The following NCOA1 variants were observed in gnomAD, a reference collection of about 807,000 sequenced individuals.
The protein encoded by NCOA1 is nuclear receptor coactivator 1, also known as Hin-2 protein.
Under a neutral mutation model 150.9 loss-of-function variants are expected in NCOA1, and 35 were observed. The observed-to-expected ratio is 0.23, with a 90% CI of 0.18 to 0.31. NCOA1 has a LOEUF of 0.31. Ranked by LOEUF, NCOA1 falls within the 10% of genes least tolerant of loss-of-function variation. The pLI is 1.00. For missense variants in NCOA1, 1,491 were observed against 1,749.3 expected (o/e 0.85, Z 2.63); for synonymous variants, 590 against 630.0 (o/e 0.94, Z 0.95).
At chr2:24,711,348 G>C (rs1673738097) in intron 14 of NCOA1, 1 of 339,870 alleles carries the variant, frequency 2.9e-6, no homozygotes, top group Non-Finnish European at 5.2e-6. Context: ...TTGATGTTAA[G>C]GAGAACAATT....
chr2:24,572,134 A>C (rs1666767351), intron 2 of NCOA1, among the ~76,000 whole-genome samples: 1 of 152,128 alleles, frequency 6.6e-6, no homozygotes, highest in Non-Finnish European at 1.5e-5. Flanking sequence ...CCACTTCATA[A>C]TTTTGTTCAA....
At chr2:24,717,420 C>T (rs1222517880) in intron 14 of NCOA1, among the ~76,000 whole-genome samples, 3 of 152,098 alleles carry the variant, frequency 2.0e-5, no homozygotes, top group African/African-American at 7.2e-5. Flanking sequence ...TAATTCCAGC[C>T]GTATTCTGGA....
chr2:24,733,141 A>G (rs1333947670), intron 17 of NCOA1, among the ~76,000 whole-genome samples: 1 of 152,220 alleles, frequency 6.6e-6, no homozygotes, highest in Admixed American at 6.5e-5. Context: ...CGGGTTGGCA[A>G]TAACAGTGCC....
chr2:24,639,912 GTGTGTATATATATATATATATATA>G lies in NCOA1; in HGVS notation c.-174-4052_-174-4029del, dbSNP rs1428621135. On this transcript the variant is annotated intron_variant, in intron 3 of 22. Coordinates refer to ENST00000348332, the MANE Select transcript of NCOA1 (RefSeq NM_003743.5). Reference sequence around the variant, plus strand: ...CAAAAAAAAAAAAAAAAGTATGTGTGTGTGTATATATATATATATATATATATATATATATATATATATATATAT... The same window carrying G: ...CAAAAAAAAAAAAAAAAGTATGTGTGTATATATATATATATATATATATAT... 6.2e-3 allele frequency among the ~76,000 whole-genome samples: 592 copies of G among 95,960 alleles called. 46 individuals carry two copies. The highest frequency in any genetic ancestry group is 0.025 in the African/African-American group (501 of 19,958). The allele number at this position is 95,960 out of a possible 152,430, so 63.0% of individuals were successfully genotyped here.
At chr2:24,751,306 G>A (rs918714712) in intron 19 of NCOA1, among the ~76,000 whole-genome samples, 2 of 151,052 alleles carry the variant, frequency 1.3e-5, no homozygotes, top group Admixed American at 1.3e-4. Flanking sequence ...TTTACAGCCG[G>A]GCGCGGTGGC....
At chr2:24,559,552 G>A (rs538259666) in intron 1 of NCOA1, among the ~76,000 whole-genome samples, 1 of 152,226 alleles carries the variant, frequency 6.6e-6, no homozygotes, top group African/African-American at 2.4e-5. Context: ...CTTTTGTTCT[G>A]GTTCAGACTC....
chr2:24,707,145 C>T lies in NCOA1; in HGVS notation c.1675C>T (p.Pro559Ser). Residue 559 changes from proline (P) to serine (S), a missense_variant, in exon 13 of 23, where the codon CCA becomes TCA. Physicochemically the swap from Pro to Ser is moderately conservative, Grantham distance 74. Transcript: ENST00000348332. ...NNSVGFSASS[P>S]VLRQMSSQNS... ...CTCCGTTGGCTTCTCTGCCAGTTCT[C>T]CAGTCCTCAGGCAGATGAGCTCACA... The T allele has an allele frequency of 6.2e-7, 1 of 1,614,202 alleles. No homozygotes were observed. The highest frequency in any genetic ancestry group is 8.5e-7 in the Non-Finnish European group (1 of 1,180,042).
intron 1 of NCOA1, among the ~76,000 whole-genome samples, chr2:24,558,783 G>T (rs1666181362): frequency 6.6e-6 from 1 of 152,198 alleles, no homozygotes; most frequent in Admixed American, 6.5e-5. Context: ...TATAGTCAGA[G>T]AGTAATGAAG....
intron 14 of NCOA1, chr2:24,711,419 T>A: frequency 5.0e-6 from 1 of 198,842 alleles, no homozygotes; most frequent in Non-Finnish European, 1.0e-5. Context: ...TTGGGTCAGA[T>A]TGTTTCCAGA....
intron 21 of NCOA1, among the ~76,000 whole-genome samples, chr2:24,758,679 T>A (rs1438010254): frequency 6.6e-6 from 1 of 152,060 alleles, no homozygotes; most frequent in African/African-American, 2.4e-5. Flanking sequence ...TTTTAGTGTT[T>A]TAGATTTATA....
At chr2:24,558,443 G>C (rs549611857) in intron 1 of NCOA1, among the ~76,000 whole-genome samples, 1 of 152,266 alleles carries the variant, frequency 6.6e-6, no homozygotes, top group South Asian at 2.1e-4. Context: ...TTCTGAAATG[G>C]TGGTGGCAAG....
At chr2:24,684,590 C>T (rs1672320321) in intron 8 of NCOA1, among the ~76,000 whole-genome samples, 1 of 152,222 alleles carries the variant, frequency 6.6e-6, no homozygotes, top group African/African-American at 2.4e-5. Flanking sequence ...CCTGACAATT[C>T]ATTGTTGCCT....
At chr2:24,605,366 A>G (rs556545815) in intron 3 of NCOA1, among the ~76,000 whole-genome samples, 1 of 152,320 alleles carries the variant, frequency 6.6e-6, no homozygotes, top group African/African-American at 2.4e-5. Context: ...TGTATATTGT[A>G]TGTATTCTAC....
chr2:24,760,053 T>C (rs1233600926), intron 21 of NCOA1, among the ~76,000 whole-genome samples: 1 of 151,676 alleles, frequency 6.6e-6, no homozygotes, highest in Non-Finnish European at 1.5e-5. Flanking sequence ...GTCACCACTT[T>C]AAATTTTCTG....
intron 17 of NCOA1, among the ~76,000 whole-genome samples, chr2:24,735,726 T>C (rs6727239): frequency 0.074 from 11,295 of 152,108 alleles, 509 homozygotes; most frequent in African/African-American, 0.12. Context: ...TTGGTTGAGA[T>C]TTTTAAAAAG....
chr2:24,494,665 A>G (rs554931060), intron 1 of NCOA1, among the ~76,000 whole-genome samples: 70 of 152,292 alleles, frequency 4.6e-4, no homozygotes, highest in African/African-American at 1.6e-3. Flanking sequence ...GGAGGGTTCC[A>G]TTTTGCATTA....
intron 11 of NCOA1, among the ~76,000 whole-genome samples, chr2:24,701,749 G>T (rs564545017): frequency 6.6e-6 from 1 of 152,266 alleles, no homozygotes; most frequent in South Asian, 2.1e-4. Flanking sequence ...GGTGGCTCAC[G>T]CCAGTAATCC....
intron 3 of NCOA1, among the ~76,000 whole-genome samples, chr2:24,624,742 A>G (rs1232015237): frequency 6.6e-6 from 1 of 152,254 alleles, no homozygotes; most frequent in African/African-American, 2.4e-5. Flanking sequence ...ACGTATCAAT[A>G]TAGAATATTT....
rs1673726242 is a variant in NCOA1 at position 24,711,096 on chromosome 2, A to C, written c.2584A>C (p.Thr862Pro). The change falls in exon 14 of 23, where the codon ACT becomes CCT. Residue 862 changes from threonine to proline, a missense_variant. By Grantham distance (38) the Thr-to-Pro change is conservative (BLOSUM62 -1). Transcript: ENST00000348332. Reference protein sequence around the residue: ...ASLQSATARPTSRLNRLPELE... With the variant: ...ASLQSATARPPSRLNRLPELE... ...ACTTCAGTCCGCCACTGCCAGACCC[A>C]CTTCCAGGCTAAATAGTATGTTCTG... is the stretch of plus-strand genomic sequence containing the variant. 1.9e-6 allele frequency: 3 copies of C among 1,613,442 alleles called. No individual in the cohort carries two copies. The African/African-American group carries it at 4.0e-5, about 22-fold the overall frequency.
Sources: gnomAD v4.1 joint callset for allele counts (sites outside exome capture counted in the v4.1 genomes callset) on GRCh38, gnomAD v4.1.1 for gene constraint, MANE v1.5 for transcripts, NCBI Gene and HGNC (gene_info 2026-07-23, HGNC 2026-07-21) for gene names.